The following RAB11FIP4 variants were observed in gnomAD, a reference collection of about 807,000 sequenced individuals.
RAB11FIP4 encodes the protein RAB11 family interacting protein 4, also known as rab11 family-interacting protein 4.
A neutral mutation model predicts 74.3 loss-of-function variants in RAB11FIP4; 23 were observed. The ratio of observed to expected loss-of-function variants is 0.31; its 90% CI spans 0.22 to 0.44. The LOEUF is 0.44. Among genes scored for constraint, RAB11FIP4 ranks in the 20% least tolerant of loss-of-function variants. The pLI is 1.00. For missense variants in RAB11FIP4, 630 were observed against 863.9 expected, an observed-to-expected ratio of 0.73 and a Z score of 3.39; for synonymous variants, 360 against 359.9, an observed-to-expected ratio of 1.00 and a Z score of 0.00.
At chr17:31,428,130 C>G (rs547797375) in intron 1 of RAB11FIP4, among the ~76,000 whole-genome samples, 19 of 152,276 alleles carry the variant, frequency 1.2e-4, no homozygotes, top group Admixed American at 1.0e-3. Flanking sequence ...ACAGAGCCGC[C>G]AGGTTCCAGG....
chr17:31,411,584 T>C (rs1029424881), intron 1 of RAB11FIP4, among the ~76,000 whole-genome samples: 2 of 152,192 alleles, frequency 1.3e-5, no homozygotes, highest in Non-Finnish European at 2.9e-5. Flanking sequence ...TCTGTTACAC[T>C]GGTCCTCCAC....
intron 3 of RAB11FIP4, among the ~76,000 whole-genome samples, chr17:31,495,207 C>G (rs2072090970): frequency 6.6e-6 from 1 of 152,172 alleles, no homozygotes; most frequent in Non-Finnish European, 1.5e-5. Flanking sequence ...AAGGTGCAGG[C>G]TGTGCCACCG....
At chr17:31,403,544 G>C (rs1966356) in intron 1 of RAB11FIP4, among the ~76,000 whole-genome samples, 3 of 152,002 alleles carry the variant, frequency 2.0e-5, no homozygotes, top group African/African-American at 7.3e-5. Flanking sequence ...GGATGATCTC[G>C]ATCTCCTGAC....
chr17:31,520,073 G>A (rs1179313255), intron 4 of RAB11FIP4, among the ~76,000 whole-genome samples: 2 of 123,862 alleles, frequency 1.6e-5, no homozygotes, highest in Non-Finnish European at 3.2e-5. Context: ...CCAGCCAGGC[G>A]ACAAAGCAAG....
chr17:31,399,994 G>A (rs1202238451), intron 1 of RAB11FIP4, among the ~76,000 whole-genome samples: 1 of 151,008 alleles, frequency 6.6e-6, no homozygotes, highest in Non-Finnish European at 1.5e-5. Flanking sequence ...AGTGAGCCGA[G>A]ATTGCGCCAC....
intron 3 of RAB11FIP4, among the ~76,000 whole-genome samples, chr17:31,504,287 C>A (rs958787483): frequency 2.0e-5 from 3 of 150,006 alleles, no homozygotes; most frequent in African/African-American, 7.6e-5. Flanking sequence ...CCCACCACCA[C>A]GCCCGGCTAA....
Position 31,532,030 on chromosome 17 carries a change from A to G in RAB11FIP4, c.*298A>G. The stretch of plus-strand genomic sequence containing the variant: ...GGTCTGCTATCAGGAGTTACTGTAA[A>G]AACAAGAACTGGAAGCTCGTGTTTC... On this transcript the variant is annotated 3_prime_UTR_variant, in exon 15 of 15. Coordinates refer to ENST00000621161, the MANE Select transcript of RAB11FIP4 (RefSeq NM_032932.6). The G allele has an allele frequency of 3.3e-6, 1 of 304,268 alleles. No homozygotes were observed. The allele number at this position is 304,268 out of a possible 1,614,324, so 18.8% of individuals were successfully genotyped here.
At chr17:31,517,287 C>T (rs2142807064) in intron 3 of RAB11FIP4, among the ~76,000 whole-genome samples, 1 of 150,810 alleles carries the variant, frequency 6.6e-6, no homozygotes, top group East Asian at 2.0e-4. Context: ...TGATTTAGCT[C>T]TAGGAAGTCA....
chr17:31,402,080 CCCATCCAACAGT>C (rs1163257137), intron 1 of RAB11FIP4, among the ~76,000 whole-genome samples: 1 of 152,230 alleles, frequency 6.6e-6, no homozygotes, highest in Non-Finnish European at 1.5e-5. Context: ...CAGTGAACCG[CCCATCCAACAGT>C]CCATCCACCC....
chr17:31,475,183 C>T (rs1259095512), intron 3 of RAB11FIP4, among the ~76,000 whole-genome samples: 3 of 152,072 alleles, frequency 2.0e-5, no homozygotes, highest in Non-Finnish European at 4.4e-5. Context: ...GTAGAGGCAC[C>T]TGTGCAGGTT....
intron 1 of RAB11FIP4, among the ~76,000 whole-genome samples, chr17:31,417,780 C>T (rs1291263446): frequency 6.6e-6 from 1 of 152,152 alleles, no homozygotes; most frequent in Non-Finnish European, 1.5e-5. Context: ...GAATATGGGA[C>T]CTGTATTGCC....
At chr17:31,425,667 A>G (rs2071241679) in intron 1 of RAB11FIP4, among the ~76,000 whole-genome samples, 2 of 152,244 alleles carry the variant, frequency 1.3e-5, no homozygotes, top group African/African-American at 4.8e-5. Context: ...GGAAAGATCA[A>G]TATTTTACTT....
chr17:31,474,592 C>T (rs911757723), intron 3 of RAB11FIP4, among the ~76,000 whole-genome samples: 1 of 151,262 alleles, frequency 6.6e-6, no homozygotes, highest in African/African-American at 2.4e-5. Flanking sequence ...TCACTTGAAC[C>T]TGGGAGACAG....
chr17:31,455,659 TTGA>T (rs2071572584), intron 3 of RAB11FIP4, among the ~76,000 whole-genome samples: 1 of 152,244 alleles, frequency 6.6e-6, no homozygotes, highest in Admixed American at 6.5e-5. Context: ...TGATAATGTG[TTGA>T]TAATTGGTTG....
At chr17:31,481,519 G>A (rs1222216805) in intron 3 of RAB11FIP4, among the ~76,000 whole-genome samples, 1 of 152,148 alleles carries the variant, frequency 6.6e-6, no homozygotes, top group African/African-American at 2.4e-5. Flanking sequence ...GGGAGGAGGT[G>A]GGGAGGGTGA....
At chr17:31,478,596 G>A (rs534131647) in intron 3 of RAB11FIP4, among the ~76,000 whole-genome samples, 107 of 152,286 alleles carry the variant, frequency 7.0e-4, no homozygotes, top group Non-Finnish European at 1.3e-3. Context: ...CACAAAACAC[G>A]TCTTTGAAGA....
intron 3 of RAB11FIP4, among the ~76,000 whole-genome samples, chr17:31,468,034 C>T (rs369211479): frequency 4.6e-5 from 7 of 152,264 alleles, no homozygotes; most frequent in South Asian, 4.1e-4. Context: ...CAGGTTTATT[C>T]GGGGTGAGCT....
rs914632374 is a variant in RAB11FIP4 at position 31,534,618 on chromosome 17, C to T, written c.*2886C>T. The T allele has an allele frequency of 2.0e-5, 3 of 152,192 alleles. No homozygotes were observed. Among genetic ancestry groups the T allele is most frequent in the Non-Finnish European group, 2.9e-5 (2 of 68,048 alleles). The allele number at this position is 152,192 out of a possible 1,614,324, so 9.4% of individuals were successfully genotyped here. A position where few individuals can be genotyped will look rare whatever the true frequency, so the allele number is the denominator to read the frequency against. On this transcript the variant is annotated 3_prime_UTR_variant, in exon 15 of 15. Coordinates refer to ENST00000621161, the MANE Select transcript of RAB11FIP4 (RefSeq NM_032932.6). ...AATTCTGATGATTAGACTGAATCCT[C>T]AGACGTTCTGGTTTGATTGTTGTGG... is the stretch of plus-strand genomic sequence containing the variant.
chr17:31,523,243 T>G, intron 7 of RAB11FIP4: 1 of 507,662 alleles, frequency 2.0e-6, no homozygotes, highest in Non-Finnish European at 3.6e-6. Flanking sequence ...CATGCTGGCG[T>G]GAAGAGGGTT....
Sources: gnomAD v4.1 joint callset for allele counts (sites outside exome capture counted in the v4.1 genomes callset) on GRCh38, gnomAD v4.1.1 for gene constraint, MANE v1.5 for transcripts, NCBI Gene and HGNC (gene_info 2026-07-23, HGNC 2026-07-21) for gene names.